The following LUZP1 variants were observed in gnomAD, a reference collection of about 807,000 sequenced individuals.
LUZP1 encodes filamin mechanobinding actin cross-linking protein.
Under a neutral mutation model 71.3 loss-of-function variants are expected in LUZP1, and 25 were observed. The ratio of observed to expected loss-of-function variants is 0.35; its 90% CI spans 0.26 to 0.49. The LOEUF (loss-of-function observed/expected upper bound fraction) is 0.49. LUZP1 is among the 20% of genes least tolerant of loss of function. The pLI, the probability that LUZP1 is intolerant of heterozygous loss-of-function variation, is 0.99. For synonymous variants in LUZP1, 481 were observed against 506.4 expected (o/e 0.95, Z 0.67); for missense variants, 1,142 against 1,300.8 (o/e 0.88, Z 1.88).
chr1:23,083,672 A>AAACT (rs1333638972), downstream of LUZP1: 1 of 211,932 alleles, frequency 4.7e-6, no homozygotes, highest in Non-Finnish European at 9.3e-6. Flanking sequence ...TTTGAGAATA[A>AAACT]AACTTCATAT....
chr1:23,152,267 C>G (rs1644390557), intron 2 of LUZP1, among the ~76,000 whole-genome samples: 1 of 152,124 alleles, frequency 6.6e-6, no homozygotes, highest in African/African-American at 2.4e-5. Flanking sequence ...ATTTTCATAA[C>G]TAGGAACTTA....
chr1:23,091,114 G>T, intron 4 of LUZP1, 76 bp downstream of exon 3: 1 of 1,407,798 alleles, frequency 7.1e-7, no homozygotes, highest in Non-Finnish European at 9.6e-7. Context: ...ACAGGCCAGA[G>T]CAGAGGGGAA....
chr1:23,157,097 G>C (rs1285196205), intron 2 of LUZP1, among the ~76,000 whole-genome samples: 1 of 152,236 alleles, frequency 6.6e-6, no homozygotes, highest in African/African-American at 2.4e-5. Context: ...ATTTTGGAAG[G>C]CCAAGGTATG....
chr1:23,152,710 T>C (rs1644393778), intron 2 of LUZP1, among the ~76,000 whole-genome samples: 1 of 152,062 alleles, frequency 6.6e-6, no homozygotes, highest in Non-Finnish European at 1.5e-5. Flanking sequence ...TTTGTATTTT[T>C]AGTAGAGACA....
At chr1:23,168,737 C>CCCG (rs911631833) in intron 2 of LUZP1, 29 bp downstream of exon 1, 3 of 153,538 alleles carry the variant, frequency 2.0e-5, no homozygotes, top group Admixed American at 6.6e-5. Flanking sequence ...GCGCCGCGCT[C>CCCG]CCGCCGCCGC....
intron 2 of LUZP1, among the ~76,000 whole-genome samples, chr1:23,118,534 C>A (rs1407008251): frequency 6.6e-6 from 1 of 152,180 alleles, no homozygotes; most frequent in Non-Finnish European, 1.5e-5. Context: ...ACAGAAATGA[C>A]AATGTGTCTT....
At chr1:23,135,784 G>A (rs952331675) in intron 2 of LUZP1, among the ~76,000 whole-genome samples, 1 of 152,158 alleles carries the variant, frequency 6.6e-6, no homozygotes, top group Non-Finnish European at 1.5e-5. Flanking sequence ...CCTAAAATAT[G>A]TAACAAATAT....
At chr1:23,110,557 C>T (rs138331846) in intron 2 of LUZP1, among the ~76,000 whole-genome samples, 140 of 151,776 alleles carry the variant, frequency 9.2e-4, no homozygotes, top group Non-Finnish European at 1.7e-3. Flanking sequence ...TCCCTTTAAT[C>T]CAACTTCCAC....
At chr1:23,161,409 T>G (rs1198685458) in intron 2 of LUZP1, among the ~76,000 whole-genome samples, 1 of 151,916 alleles carries the variant, frequency 6.6e-6, no homozygotes, top group African/African-American at 2.4e-5. Context: ...GGAAAAGAAG[T>G]GTTCGAGGAA....
intron 2 of LUZP1, among the ~76,000 whole-genome samples, chr1:23,119,249 CTCTT>C (rs1272815255): frequency 1.8e-5 from 2 of 110,704 alleles, no homozygotes; most frequent in Admixed American, 9.9e-5. Flanking sequence ...ATGTGACTAG[CTCTT>C]TTTTTTTTTT....
chr1:23,176,251 G>C (rs974723936), intron 1 of LUZP1, among the ~76,000 whole-genome samples: 1 of 151,798 alleles, frequency 6.6e-6, no homozygotes, highest in Non-Finnish European at 1.5e-5. Flanking sequence ...TAGTAGAGAC[G>C]GGGTTTCACC....
chr1:23,151,959 G>A lies in LUZP1; in HGVS notation c.-226+16807C>T, dbSNP rs185042866. Among the ~76,000 whole-genome samples, 750 of 147,924 alleles carry A rather than the reference G, an allele frequency of 5.1e-3. 11 individuals are homozygous for A. The highest frequency in any genetic ancestry group is 0.018 in the African/African-American group (704 of 39,958). Reference sequence around the variant, plus strand: ...GGAGGTTGCAGTGAGCCAAGATCACGCCACTGCACTCCAACCTGGGCAAAA... The same window carrying A: ...GGAGGTTGCAGTGAGCCAAGATCACACCACTGCACTCCAACCTGGGCAAAA... On this transcript the variant is annotated intron_variant, in intron 2 of 4. Coordinates refer to ENST00000302291, the Ensembl canonical transcript of LUZP1.
chr1:23,173,101 G>A (rs1486749827), intron 1 of LUZP1, among the ~76,000 whole-genome samples: 2 of 151,122 alleles, frequency 1.3e-5, no homozygotes, highest in African/African-American at 2.4e-5. Flanking sequence ...GATTACAGGT[G>A]TGAGCCACCG....
At chr1:23,140,279 G>A (rs1417398059) in intron 2 of LUZP1, 1 of 152,066 alleles carries the variant, frequency 6.6e-6, no homozygotes, top group African/African-American at 2.4e-5. Flanking sequence ...CTACTCACAT[G>A]GGTGGAAGAA....
In LUZP1 at chr1:23,172,821, T is replaced by G. The variant is rs563934321; in HGVS notation, c.-484-3797A>C. On this transcript the variant is annotated intron_variant, in intron 1 of 4. Transcript: ENST00000302291. ...TGAGCCACCATGCCCAGCCAAAATT[T>G]TATTTATTTATTTTTATTTTTATTT... 2.6e-5 allele frequency among the ~76,000 whole-genome samples: 4 copies of G among 151,144 alleles called. No individual in the cohort carries two copies. The East Asian group carries it at 5.9e-4, about 22-fold the overall frequency.
rs544694314 is a variant in LUZP1, at chr1:23,136,561, A to G, written c.-225-27434T>C. On this transcript the variant is annotated intron_variant, in intron 2 of 4. Transcript: ENST00000302291. ...AGATGAGAAAACTGACTCTGAAAAA[A>G]TTACATAATATGCCCAAGGTCATAC... is the stretch of plus-strand genomic sequence containing the variant. Among the ~76,000 whole-genome samples, 4 of 152,190 alleles carry G rather than the reference A, an allele frequency of 2.6e-5. No individual in the cohort carries two copies. The East Asian group carries it at 7.7e-4, about 29-fold the overall frequency.
chr1:23,110,045 A>T (rs1644015482), intron 2 of LUZP1, among the ~76,000 whole-genome samples: 2 of 152,184 alleles, frequency 1.3e-5, no homozygotes, highest in South Asian at 4.2e-4. Context: ...CCTCTACTTT[A>T]CAGATAAAGA....
Position 23,154,379 on chromosome 1 carries a change from A to T in LUZP1, c.-226+14387T>A, listed in dbSNP as rs534905985. ...AGACCCCCATCTCTACAAAAAAAAAATTTTTTTTTAATTACCAGGCATGGT... is the reference window on the plus strand; with the variant it reads ...AGACCCCCATCTCTACAAAAAAAAATTTTTTTTTTAATTACCAGGCATGGT... On this transcript the variant is annotated intron_variant, in intron 2 of 4. Transcript: ENST00000302291. Among the ~76,000 whole-genome samples the T allele has an allele frequency of 1.7e-3, 260 of 151,656 alleles. 1 individual carries two copies. Among genetic ancestry groups the T allele is most frequent in the Middle Eastern group, 3.4e-3 (1 of 292 alleles).
At chr1:23,107,390 T>C (rs1643991200) in intron 3 of LUZP1, among the ~76,000 whole-genome samples, 1 of 152,248 alleles carries the variant, frequency 6.6e-6, no homozygotes, top group Non-Finnish European at 1.5e-5. Context: ...AGAAAGGACT[T>C]TTTCTATTTT....
Sources: gnomAD v4.1 joint callset for allele counts (sites outside exome capture counted in the v4.1 genomes callset) on GRCh38, gnomAD v4.1.1 for gene constraint, MANE v1.5 for transcripts, NCBI Gene and HGNC (gene_info 2026-07-23, HGNC 2026-07-21) for gene names.